The following PTPRD variants were observed in gnomAD, a reference collection of about 807,000 sequenced individuals.
PTPRD encodes protein tyrosine phosphatase receptor type D.
Under a neutral mutation model 214.5 loss-of-function variants are expected in PTPRD, and 34 were observed. That is an observed-to-expected ratio of 0.16 (90% CI 0.12 to 0.21). The LOEUF (loss-of-function observed/expected upper bound fraction) is 0.21, where lower values mean the gene tolerates loss of function less well. Among genes scored for constraint, PTPRD ranks in the 10% least tolerant of loss-of-function variants. The pLI is 1.00. For missense variants in PTPRD, 2,545 were observed against 2,398.7 expected, an observed-to-expected ratio of 1.06 and a Z score of -1.27; for synonymous variants, 1,128 against 845.7, an observed-to-expected ratio of 1.33 and a Z score of -5.79.
intron 2 of PTPRD, among the ~76,000 whole-genome samples, chr9:10,370,305 G>A (rs866286986): frequency 2.0e-5 from 3 of 152,080 alleles, no homozygotes; most frequent in South Asian, 2.1e-4. Flanking sequence ...TCACAAGCAA[G>A]CCACTTAACT....
intron 9 of PTPRD, among the ~76,000 whole-genome samples, chr9:9,327,414 T>A (rs942163727): frequency 1.1e-4 from 16 of 152,244 alleles, no homozygotes; most frequent in Admixed American, 6.5e-4. Flanking sequence ...TTTTTTTCCA[T>A]TTTTTTCTTA....
Position 10,337,731 on chromosome 9 carries a change from G to A in PTPRD, c.-545+3232C>T, listed in dbSNP as rs972679887. Reference sequence around the variant, plus strand: ...CCTGCATTAACTTAATTAACACTTAGAGCCAGTCTATGAGGTAGACATTTT... The same window carrying A: ...CCTGCATTAACTTAATTAACACTTAAAGCCAGTCTATGAGGTAGACATTTT... On this transcript the variant is annotated intron_variant, in intron 3 of 45. Coordinates refer to ENST00000381196, the MANE Select transcript of PTPRD (RefSeq NM_002839.4). Among the ~76,000 whole-genome samples the A allele has an allele frequency of 4.0e-5, 6 of 151,696 alleles. No homozygotes were observed. The East Asian group carries it at 1.2e-3, about 30-fold the overall frequency.
At chr9:9,875,001 GT>G (rs2066456379) in intron 5 of PTPRD, among the ~76,000 whole-genome samples, 1 of 152,108 alleles carries the variant, frequency 6.6e-6, no homozygotes, top group African/African-American at 2.4e-5. Context: ...ACAATCACTT[GT>G]TTCCTGCTAC....
At chr9:8,618,866 TTGTGTGTG>T (rs371767469) in intron 14 of PTPRD, among the ~76,000 whole-genome samples, 9 of 130,968 alleles carry the variant, frequency 6.9e-5, no homozygotes, top group African/African-American at 1.4e-4. Context: ...CCAGCTAATT[TTGTGTGTG>T]TGTGTGTGTG....
At chr9:9,559,283 C>A (rs908188374) in intron 8 of PTPRD, among the ~76,000 whole-genome samples, 1 of 152,238 alleles carries the variant, frequency 6.6e-6, no homozygotes, top group African/African-American at 2.4e-5. Context: ...CAGTTACTAA[C>A]TGCTTCCCAG....
chr9:9,706,083 C>T (rs554916494), intron 7 of PTPRD, among the ~76,000 whole-genome samples: 3 of 152,134 alleles, frequency 2.0e-5, no homozygotes, highest in Admixed American at 2.0e-4. Context: ...CATAACAGTT[C>T]CTGGCACAAT....
At chr9:9,936,340 G>T (rs904782085) in intron 5 of PTPRD, among the ~76,000 whole-genome samples, 2 of 151,630 alleles carry the variant, frequency 1.3e-5, no homozygotes, top group African/African-American at 2.4e-5. Flanking sequence ...CTGACAAAGG[G>T]CTAATATCCA....
intron 2 of PTPRD, among the ~76,000 whole-genome samples, chr9:10,531,192 C>T (rs10959151): frequency 6.6e-6 from 1 of 151,732 alleles, no homozygotes; most frequent in African/African-American, 2.4e-5. Flanking sequence ...TCAAGTGATC[C>T]GCCCTCCTCA....
At chr9:8,940,587 C>G (rs974830732) in intron 11 of PTPRD, among the ~76,000 whole-genome samples, 2 of 151,702 alleles carry the variant, frequency 1.3e-5, no homozygotes, top group African/African-American at 4.8e-5. Flanking sequence ...AGCCACCGCA[C>G]CCAGCCTGCA....
At chr9:9,779,516 C>A (rs2098826635) in intron 5 of PTPRD, among the ~76,000 whole-genome samples, 1 of 151,964 alleles carries the variant, frequency 6.6e-6, no homozygotes. Context: ...AAGCAAAAAC[C>A]AAATAACTTT....
intron 12 of PTPRD, among the ~76,000 whole-genome samples, chr9:8,687,535 A>C (rs1284298318): frequency 6.6e-6 from 1 of 152,204 alleles, no homozygotes; most frequent in Non-Finnish European, 1.5e-5. Context: ...ATCAACAAAC[A>C]ACAATGTGTA....
intron 2 of PTPRD, among the ~76,000 whole-genome samples, chr9:10,562,715 T>C (rs79015345): frequency 6.6e-6 from 1 of 152,250 alleles, no homozygotes; most frequent in East Asian, 1.9e-4. Flanking sequence ...GACTCAAATT[T>C]TCTACATGCA....
chr9:10,124,616 C>A lies in PTPRD; in HGVS notation c.-544-90826G>T, dbSNP rs983236794. ...ATATGTCTCCTGCACTTTTTCTATA[C>A]ATTGTAATTTTTTGTTTATTAGGGA... On this transcript the variant is annotated intron_variant, in intron 3 of 45. Coordinates refer to ENST00000381196, the MANE Select transcript of PTPRD (RefSeq NM_002839.4). Among the ~76,000 whole-genome samples the A allele has an allele frequency of 2.6e-5, 4 of 152,226 alleles. No homozygotes were observed. In the East Asian group the frequency reaches 5.8e-4, roughly 22 times the overall value.
rs1178333237 is a variant in PTPRD at position 9,481,269 on chromosome 9, G to T, written c.-236-83787C>A. Among the ~76,000 whole-genome samples the T allele has an allele frequency of 2.0e-5, 3 of 152,122 alleles. No individual in the cohort carries two copies. In the East Asian group the frequency reaches 5.8e-4, roughly 29 times the overall value. On this transcript the variant is annotated intron_variant, in intron 8 of 45. Transcript: ENST00000381196. ...GAGGTAGAAGCTGGAGGGTATCAAA[G>T]TCCAACAGAGGCAGATTCAATTCTT...
chr9:9,245,981 T>TA (rs2099972892), intron 9 of PTPRD, among the ~76,000 whole-genome samples: 1 of 152,020 alleles, frequency 6.6e-6, no homozygotes, highest in Admixed American at 6.6e-5. Flanking sequence ...AAAGCAAACT[T>TA]AAAAAGATCC....
intron 3 of PTPRD, among the ~76,000 whole-genome samples, chr9:10,062,666 G>T (rs939504208): frequency 6.6e-6 from 1 of 151,926 alleles, no homozygotes; most frequent in Non-Finnish European, 1.5e-5. Context: ...TTAAGTAGCC[G>T]ATAGCACTTA....
At chr9:9,492,610 T>A (rs1156713904) in intron 8 of PTPRD, among the ~76,000 whole-genome samples, 1 of 152,008 alleles carries the variant, frequency 6.6e-6, no homozygotes, top group Non-Finnish European at 1.5e-5. Flanking sequence ...CATCTTTTCA[T>A]AATAAAAACA....
intron 3 of PTPRD, among the ~76,000 whole-genome samples, chr9:10,083,767 G>A (rs573189234): frequency 6.6e-6 from 1 of 152,014 alleles, no homozygotes; most frequent in African/African-American, 2.4e-5. Context: ...ATTCTCATAA[G>A]GAGCACGCGA....
chr9:10,064,737 A>T (rs1310265880), intron 3 of PTPRD, among the ~76,000 whole-genome samples: 2 of 151,978 alleles, frequency 1.3e-5, no homozygotes, highest in Admixed American at 6.6e-5. Context: ...AATCATTTAC[A>T]CCCTAAACCT....
Sources: gnomAD v4.1 joint callset for allele counts (sites outside exome capture counted in the v4.1 genomes callset) on GRCh38, gnomAD v4.1.1 for gene constraint, MANE v1.5 for transcripts, NCBI Gene and HGNC (gene_info 2026-07-23, HGNC 2026-07-21) for gene names.